The following RNF213 variants were observed in gnomAD, a reference collection of about 807,000 sequenced individuals.
RNF213 encodes ring finger protein 213.
Under a neutral mutation model 514.4 loss-of-function variants are expected in RNF213, and 341 were observed. The observed-to-expected ratio is 0.66, with a 90% CI of 0.61 to 0.73. The LOEUF (loss-of-function observed/expected upper bound fraction) is 0.73. Ranked by LOEUF, RNF213 falls within the 30% of genes least tolerant of loss-of-function variation. The pLI, the probability that RNF213 is intolerant of heterozygous loss-of-function variation, is 0.00. For missense variants in RNF213, 5,767 were observed against 6,615.6 expected, an observed-to-expected ratio of 0.87 and a Z score of 4.45; for synonymous variants, 2,655 against 2,658.2, an observed-to-expected ratio of 1.00 and a Z score of 0.04.
intron 12 of RNF213, among the ~76,000 whole-genome samples, chr17:80,306,876 T>A (rs1405452194): frequency 6.6e-6 from 1 of 150,474 alleles, no homozygotes; most frequent in East Asian, 1.9e-4. Flanking sequence ...AAAGAAGGCG[T>A]CTCATGTGAT....
Position 80,396,199 on chromosome 17 carries a change from C to T in RNF213, c.*2701C>T, listed in dbSNP as rs777072829. 7 of 152,190 alleles carry T rather than the reference C, an allele frequency of 4.6e-5. No homozygotes were observed. The highest frequency in any genetic ancestry group is 1.0e-4 in the Non-Finnish European group (7 of 68,098). 9.4% of individuals were successfully genotyped at this position (152,190 alleles called of 1,614,324 possible). On this transcript the variant is annotated 3_prime_UTR_variant, in exon 68 of 68. Coordinates refer to ENST00000582970, the MANE Select transcript of RNF213 (RefSeq NM_001256071.3). Reference sequence around the variant, plus strand: ...ATTGCTTGAGCCTGGGAGTTTGAGGCTGCAGTGAGCTATGATTGCACCACT... The same window carrying T: ...ATTGCTTGAGCCTGGGAGTTTGAGGTTGCAGTGAGCTATGATTGCACCACT...
chr17:80,355,001 G>A (rs1249886325), intron 36 of RNF213: 6 of 357,212 alleles, frequency 1.7e-5, no homozygotes, highest in Non-Finnish European at 2.8e-5. Context: ...GGACCCAGCA[G>A]TATATTCACT....
rs964409819 is a variant in RNF213, at chr17:80,388,742, G to A, written c.15000+53G>A. 7 of 1,349,180 alleles carry A rather than the reference G, an allele frequency of 5.2e-6. No homozygotes were observed. In the South Asian group the frequency reaches 8.2e-5, roughly 16 times the overall value. 83.6% of individuals were successfully genotyped at this position (1,349,180 alleles called of 1,614,324 possible). On this transcript the variant is annotated intron_variant, in intron 64 of 67. Transcript: ENST00000582970. The stretch of plus-strand genomic sequence containing the variant: ...ACGGGGCTTTCTGCCTTCTCAGTGT[G>A]TTTCCCTCCGTGTTAGGCCTACTCC...
chr17:80,272,219 G>A lies in RNF213; in HGVS notation c.98-1022G>A, dbSNP rs2043847552. 4.6e-5 allele frequency among the ~76,000 whole-genome samples: 7 copies of A among 152,134 alleles called. No homozygotes were observed. In the South Asian group the frequency reaches 1.4e-3, roughly 32 times the overall value. On this transcript the variant is annotated intron_variant, in intron 2 of 67. Transcript: ENST00000582970. ...GAATTGCTTGAACCTGGGAGGCAGA[G>A]GTTGCAGTGAGCCAAGATTGTGCCT...
rs2044546838 is a variant in RNF213, at chr17:80,288,178, A to C, written c.625A>C (p.Ile209Leu). 3 of 1,612,060 alleles carry C rather than the reference A, an allele frequency of 1.9e-6. No homozygotes were observed. The highest frequency in any genetic ancestry group is 2.5e-6 in the Non-Finnish European group (3 of 1,179,008). Residue 209 changes from isoleucine (I) to leucine (L), a missense_variant, in exon 4 of 68, where the codon ATC (isoleucine) becomes CTC (leucine). By Grantham distance (5) the Ile-to-Leu change is conservative. Around this residue, in one of 13 missense-constraint regions of RNF213, gnomAD observed 509 missense variants for 496.7 expected, o/e 1.02. Transcript: ENST00000582970. This position sits in a 1 kb window ranked among gnomAD's most constrained non-coding sequence, Gnocchi z 4.9. ...GGAAGGGGAGGACCAGGACGCTTCC[A>C]TCCCCTCTGGGGGCAGAGGCCTGTC... ...HTEGEDQDAS[I>L]PSGGRGLSQE...
Position 80,336,295 on chromosome 17 carries a change from A to T in RNF213, c.4444A>T (p.Ser1482Cys). 6.5e-7 allele frequency: 1 copy of T among 1,537,278 alleles called. No homozygotes were observed. The highest frequency in any genetic ancestry group is 8.7e-7 in the Non-Finnish European group (1 of 1,146,932). ...ATCCCTGCTATTTAAGCTGGACCCC[A>T]GCGTGGACTTCAGTGCATTCATGAA... ...YASLLFKLDP[S>C]VDFSAFMKHL... The change falls in exon 23 of 68, where the codon AGC becomes TGC. Residue 1482 changes from serine (S) to cysteine (C), a missense_variant. Coordinates refer to ENST00000582970, the MANE Select transcript of RNF213 (RefSeq NM_001256071.3).
rs980415652 is a variant in RNF213 at position 80,288,695 on chromosome 17, G to C, written c.873G>C (p.Glu291Asp). The C allele has an allele frequency of 6.2e-7, 1 of 1,614,210 alleles. No individual in the cohort carries two copies. The highest frequency in any genetic ancestry group is 8.5e-7 in the Non-Finnish European group (1 of 1,180,044). Residue 291 changes from glutamate (E) to aspartate (D), a missense_variant, in exon 5 of 68, where the codon GAG (glutamate) becomes GAC (aspartate). This residue lies in a region of RNF213 where 509 missense variants were observed against 496.7 expected (regional missense o/e 1.02). Coordinates refer to ENST00000582970, the MANE Select transcript of RNF213 (RefSeq NM_001256071.3). This position sits in a 1 kb window ranked among gnomAD's most constrained non-coding sequence, Gnocchi z 4.9. ...AVKGAGKEMK[E>D]KTQRMKQPPA... is the part of the protein sequence containing the mutation. ...AAGGGGCCGGGAAGGAAATGAAAGAGAAGACCCAGAGAATGAAACAGCCAC... is the reference window on the plus strand; with the variant it reads ...AAGGGGCCGGGAAGGAAATGAAAGACAAGACCCAGAGAATGAAACAGCCAC...
At chr17:80,344,616 A>G (rs2144115534) in intron 28 of RNF213, 62 bp from the exon 29 acceptor site, 1 of 1,586,964 alleles carries the variant, frequency 6.3e-7, no homozygotes, top group Non-Finnish European at 8.7e-7. Flanking sequence ...GAGGGTTAAG[A>G]CACAAAAGCA....
In RNF213 at chr17:80,396,457, T is replaced by C. The variant is rs1049169604; in HGVS notation, c.*2959T>C. On this transcript the variant is annotated 3_prime_UTR_variant, in exon 68 of 68. Coordinates refer to ENST00000582970, the MANE Select transcript of RNF213 (RefSeq NM_001256071.3). ...AAGAAAATGTCAGCTCAGGGCCAAG[T>C]AGGTAAAGCCACCCAAGTCTAGCCA... is the stretch of plus-strand genomic sequence containing the variant. 1.3e-5 allele frequency: 2 copies of C among 152,106 alleles called. No homozygotes were observed. The highest frequency in any genetic ancestry group is 2.9e-5 in the Non-Finnish European group (2 of 68,016). 9.4% of individuals were successfully genotyped at this position (152,106 alleles called of 1,614,324 possible).
At chr17:80,333,996 C>A in intron 21 of RNF213, 109 bp from the exon 22 acceptor site, 1 of 1,285,354 alleles carries the variant, frequency 7.8e-7, no homozygotes, top group Non-Finnish European at 1.1e-6. Flanking sequence ...AGTGGCAAAT[C>A]TAGGCATTGA....
intron 31 of RNF213, among the ~76,000 whole-genome samples, chr17:80,350,730 T>C (rs920677336): frequency 1.3e-5 from 2 of 152,144 alleles, no homozygotes; most frequent in Non-Finnish European, 2.9e-5. Flanking sequence ...GCCTGGGAGG[T>C]CAAGGCTGCA....
rs369901699 is a variant in RNF213, at chr17:80,364,418, G to A, written c.11751-15G>A. On this transcript the variant is annotated splice_polypyrimidine_tract_variant and intron_variant, in intron 41 of 67. Coordinates refer to ENST00000582970, the MANE Select transcript of RNF213 (RefSeq NM_001256071.3). Reference sequence around the variant, plus strand: ...GGAGCCGAGTGAGTGAGTGAGTGGCGCCCTCTTTTGACAGAGCCCAGTGGA... The same window carrying A: ...GGAGCCGAGTGAGTGAGTGAGTGGCACCCTCTTTTGACAGAGCCCAGTGGA... 3.7e-6 allele frequency: 6 copies of A among 1,613,828 alleles called. No homozygotes were observed. Among genetic ancestry groups the A allele is most frequent in the East Asian group, 2.2e-5 (1 of 44,896 alleles).
chr17:80,355,396 A>G lies in RNF213; in HGVS notation c.10862+820A>G, dbSNP rs1277565178. ...AGCTTACAGGGGAAGAAGCGGGGTGAATGGGAATGGGGGCTCACGGAGGAA... is the reference window on the plus strand; with the variant it reads ...AGCTTACAGGGGAAGAAGCGGGGTGGATGGGAATGGGGGCTCACGGAGGAA... On this transcript the variant is annotated intron_variant, in intron 36 of 67. Coordinates refer to ENST00000582970, the MANE Select transcript of RNF213 (RefSeq NM_001256071.3). 188 of 277,496 alleles carry G rather than the reference A, an allele frequency of 6.8e-4. 4 individuals carry two copies. Among genetic ancestry groups the G allele is most frequent in the African/African-American group, 3.8e-3 (130 of 33,924 alleles). 17.2% of individuals were successfully genotyped at this position (277,496 alleles called of 1,614,324 possible).
At position 80,390,171 on chromosome 17, in the gene RNF213, G is replaced by A. The variant is rs367820011; in HGVS notation, c.15445G>A (p.Glu5149Lys). ...ACTAAAGAACCCCCAAACCCAAACC[G>A]AGGAGCGCTTCCGCCCTCAGTGGAG... is the stretch of plus-strand genomic sequence containing the variant. ...LKLKNPQTQT[E>K]ERFRPQWSLR... The change falls in exon 67 of 68, where the codon GAG (glutamate) becomes AAG (lysine). Residue 5149 changes from glutamate to lysine, a missense_variant. By Grantham distance (56) the Glu-to-Lys change is moderately conservative. This residue lies in a region of RNF213 where 1,245 missense variants were observed against 1,339.0 expected (regional missense o/e 0.93). Coordinates refer to ENST00000582970, the MANE Select transcript of RNF213 (RefSeq NM_001256071.3). 47 of 1,614,134 alleles carry A rather than the reference G, an allele frequency of 2.9e-5. No homozygotes were observed. Among genetic ancestry groups the A allele is most frequent in the East Asian group, 1.1e-4 (5 of 44,880 alleles).
At chr17:80,285,473 C>G (rs2044437257) in intron 3 of RNF213, among the ~76,000 whole-genome samples, 1 of 152,208 alleles carries the variant, frequency 6.6e-6, no homozygotes, top group Non-Finnish European at 1.5e-5. Context: ...GTCTCCTCAG[C>G]ACACTGAGGA....
Position 80,309,900 on chromosome 17 carries a change from C to T in RNF213, c.2655+729C>T, listed in dbSNP as rs142470190. On this transcript the variant is annotated intron_variant, in intron 14 of 67. Transcript: ENST00000582970. ...CCTCCCAAGTAGCTGGGACTACAGA[C>T]GCCTGCCACCACGCCTGGCTAATTT... Among the ~76,000 whole-genome samples, 553 of 151,892 alleles carry T rather than the reference C, an allele frequency of 3.6e-3. 5 individuals carry two copies. The highest frequency in any genetic ancestry group is 0.012 in the African/African-American group (506 of 41,424).
In RNF213 at chr17:80,280,953, G is replaced by A. The variant is rs189599577; in HGVS notation, c.262-6862G>A. ...AGATGTGAGCTGGAGTTAGGGCACT[G>A]CATATGCGGACCGGAGCGTGTTGGT... On this transcript the variant is annotated intron_variant, in intron 3 of 67. Transcript: ENST00000582970. 7.2e-5 allele frequency among the ~76,000 whole-genome samples: 11 copies of A among 152,104 alleles called. No individual in the cohort carries two copies. The East Asian group carries it at 2.1e-3, about 29-fold the overall frequency.
chr17:80,353,491 T>A lies in RNF213; in HGVS notation c.10424-21T>A. ...TGCCACCTTCTGAGTGGTAACGCAA[T>A]CACGTTTGCTTCGACTGCAGTGGGC... On this transcript the variant is annotated intron_variant, in intron 33 of 67. Transcript: ENST00000582970. This position sits in a 1 kb window ranked among gnomAD's most constrained non-coding sequence, Gnocchi z 5.0. 1 of 1,596,242 alleles carries A rather than the reference T, an allele frequency of 6.3e-7. No individual in the cohort carries two copies.
In RNF213 at chr17:80,354,019, G is replaced by T; in HGVS notation, c.10579G>T (p.Val3527Leu). Residue 3527 changes from valine to leucine, a missense_variant and splice_region_variant, in exon 35 of 68, where the codon GTG becomes TTG. By Grantham distance (32) the Val-to-Leu change is conservative. This residue lies in a region of RNF213 where 919 missense variants were observed against 1,121.0 expected (regional missense o/e 0.82). Coordinates refer to ENST00000582970, the MANE Select transcript of RNF213 (RefSeq NM_001256071.3). The part of the protein sequence containing the change: ...KETSELGGSD[V>L]SILDTTRLLR... ...ATGACCCAACCGTCTCCACCAACAG[G>T]TGTCGATCCTGGACACCACCAGGCT... The T allele has an allele frequency of 1.9e-6, 3 of 1,613,760 alleles. No homozygotes were observed. The highest frequency in any genetic ancestry group is 2.5e-6 in the Non-Finnish European group (3 of 1,180,020).
Sources: allele counts gnomAD v4.1 joint callset (sites outside exome capture counted in the v4.1 genomes callset), GRCh38; gene constraint gnomAD v4.1.1; regional missense constraint gnomAD v4.1.1; non-coding constraint Gnocchi (gnomAD v3.1); transcripts MANE v1.5; gene names NCBI Gene and HGNC (gene_info 2026-07-23, HGNC 2026-07-21).